ARHGAP26: variants seen among roughly 807,000 people sequenced by gnomAD.
ARHGAP26 encodes the protein rho GTPase-activating protein 26.
Under a neutral mutation model 104.8 loss-of-function variants are expected in ARHGAP26, and 38 were observed. The ratio of observed to expected loss-of-function variants is 0.36; its 90% CI spans 0.28 to 0.48. The LOEUF is 0.48. Among genes scored for constraint, ARHGAP26 ranks in the 20% least tolerant of loss-of-function variants. ARHGAP26 has a pLI of 0.99. For missense variants in ARHGAP26, 704 were observed against 947.9 expected (o/e 0.74, Z 3.38); for synonymous variants, 341 against 340.0 (o/e 1.00, Z -0.03).
At position 143,037,176 on chromosome 5, in the gene ARHGAP26, T is replaced by A; in HGVS notation, c.1145-20T>A. On this transcript the variant is annotated intron_variant, in intron 12 of 22. Coordinates refer to ENST00000645722, the MANE Select transcript of ARHGAP26 (RefSeq NM_001135608.3). ...ATTTCCATGGCTAGCAACTTGACTG[T>A]CCTTCTCTTGCTCTTTCAGCTGCGC... 1 of 1,589,170 alleles carries A rather than the reference T, an allele frequency of 6.3e-7. No homozygotes were observed. The highest frequency in any genetic ancestry group is 8.6e-7 in the Non-Finnish European group (1 of 1,161,350).
intron 4 of ARHGAP26, among the ~76,000 whole-genome samples, chr5:142,881,002 A>G (rs1036761361): frequency 6.6e-6 from 1 of 152,252 alleles, no homozygotes; most frequent in Non-Finnish European, 1.5e-5. Flanking sequence ...TAAGGAATGT[A>G]TAATTTACAC....
At chr5:143,221,136 TC>T (rs1811075552) in intron 22 of ARHGAP26, among the ~76,000 whole-genome samples, 2 of 152,204 alleles carry the variant, frequency 1.3e-5, no homozygotes, top group Non-Finnish European at 2.9e-5. Context: ...GTCCCATGAT[TC>T]CTTCTCTCTT....
intron 17 of ARHGAP26, among the ~76,000 whole-genome samples, chr5:143,100,083 G>A (rs948533902): frequency 1.3e-5 from 2 of 152,176 alleles, no homozygotes; most frequent in African/African-American, 4.8e-5. Context: ...TACATGAAAG[G>A]CAGTATGAGA....
At chr5:142,894,454 G>A (rs1759177717) in intron 6 of ARHGAP26, 106 bp downstream of exon 6, 3 of 993,940 alleles carry the variant, frequency 3.0e-6, no homozygotes, top group Non-Finnish European at 4.6e-6. Context: ...AGGTTGAGCA[G>A]CCCTGACACT....
At chr5:143,033,743 G>A (rs1322555414) in intron 12 of ARHGAP26, among the ~76,000 whole-genome samples, 4 of 152,152 alleles carry the variant, frequency 2.6e-5, no homozygotes, top group Admixed American at 1.3e-4. Flanking sequence ...AATGTCTGCA[G>A]CTCCCCGTAG....
intron 9 of ARHGAP26, 76 bp downstream of exon 9, chr5:142,907,880 C>T: frequency 1.0e-6 from 1 of 963,088 alleles, no homozygotes; most frequent in Non-Finnish European, 1.6e-6. Flanking sequence ...TATAAAGTAA[C>T]ACCTCCAGTG....
At chr5:143,040,000 G>A (rs951261515) in intron 13 of ARHGAP26, among the ~76,000 whole-genome samples, 6 of 152,216 alleles carry the variant, frequency 3.9e-5, no homozygotes, top group Non-Finnish European at 7.4e-5. Context: ...TGCAGTGTGT[G>A]TATGTGCATA....
At chr5:143,020,621 G>A (rs564272260) in intron 12 of ARHGAP26, among the ~76,000 whole-genome samples, 1 of 142,116 alleles carries the variant, frequency 7.0e-6, no homozygotes, top group African/African-American at 2.6e-5. Context: ...TTTTAATCTA[G>A]TGCTCTAGTG....
intron 17 of ARHGAP26, among the ~76,000 whole-genome samples, chr5:143,068,441 C>T (rs1315238018): frequency 6.6e-6 from 1 of 152,184 alleles, no homozygotes; most frequent in Non-Finnish European, 1.5e-5. Context: ...ATGTTTCTGC[C>T]ATCTCTCCTG....
chr5:143,080,361 T>C (rs1789628891), intron 17 of ARHGAP26, among the ~76,000 whole-genome samples: 1 of 152,130 alleles, frequency 6.6e-6, no homozygotes, highest in African/African-American at 2.4e-5. Flanking sequence ...ATAGACTAAA[T>C]CCATTATAAA....
intron 10 of ARHGAP26, among the ~76,000 whole-genome samples, chr5:142,923,956 G>A (rs1763549128): frequency 1.3e-5 from 2 of 149,778 alleles, no homozygotes; most frequent in African/African-American, 4.9e-5. Context: ...CCGCCCCCCG[G>A]GTTCGTGCCG....
At chr5:143,012,552 C>CATACATACATATATATATATAT (rs1200923855) in intron 11 of ARHGAP26, among the ~76,000 whole-genome samples, 3 of 20,828 alleles carry the variant, frequency 1.4e-4, no homozygotes, top group African/African-American at 3.6e-4. Context: ...TACATACATA[C>CATACATACATATATATATATAT]ATATATATAT....
At chr5:142,825,270 A>G (rs534811955) in intron 1 of ARHGAP26, among the ~76,000 whole-genome samples, 14 of 152,348 alleles carry the variant, frequency 9.2e-5, no homozygotes, top group African/African-American at 3.4e-4. Flanking sequence ...TATTGCTACT[A>G]CTGCCATCCT....
chr5:142,955,126 C>A (rs2569057), intron 11 of ARHGAP26, among the ~76,000 whole-genome samples: 7,323 of 148,670 alleles, frequency 0.049, 334 homozygotes, highest in African/African-American at 0.11. Flanking sequence ...ACACACACAC[C>A]CCCCATCTCT....
At chr5:143,075,257 A>G (rs1302184286) in intron 17 of ARHGAP26, among the ~76,000 whole-genome samples, 4 of 151,708 alleles carry the variant, frequency 2.6e-5, no homozygotes, top group African/African-American at 7.2e-5. Context: ...TTACAGAGCT[A>G]TGTAAGTAAA....
At chr5:143,172,058 A>T (rs1374629622) in intron 20 of ARHGAP26, among the ~76,000 whole-genome samples, 1 of 152,220 alleles carries the variant, frequency 6.6e-6, no homozygotes, top group East Asian at 1.9e-4. Context: ...GGCAACCATC[A>T]CATACATGCT....
chr5:142,779,725 A>G (rs560853362), intron 1 of ARHGAP26, among the ~76,000 whole-genome samples: 1 of 152,354 alleles, frequency 6.6e-6, no homozygotes. Context: ...GAGACTTCAG[A>G]TAGATCTCCA....
intron 11 of ARHGAP26, among the ~76,000 whole-genome samples, chr5:142,940,343 A>G (rs1255800216): frequency 3.3e-5 from 5 of 152,094 alleles, no homozygotes; most frequent in African/African-American, 1.2e-4. Flanking sequence ...TTTTAGGTTC[A>G]GGGGTACATG....
At chr5:142,869,368 C>G (rs920017255) in intron 1 of ARHGAP26, among the ~76,000 whole-genome samples, 1 of 148,060 alleles carries the variant, frequency 6.8e-6, no homozygotes, top group Non-Finnish European at 1.5e-5. Context: ...CCAGTACACC[C>G]GGCTATTTTA....
Sources: allele counts gnomAD v4.1 joint callset (sites outside exome capture counted in the v4.1 genomes callset), GRCh38; gene constraint gnomAD v4.1.1; transcripts MANE v1.5; gene names NCBI Gene and HGNC (gene_info 2026-07-23, HGNC 2026-07-21).